WASHC5: variants seen among roughly 807,000 people sequenced by gnomAD.
The protein encoded by WASHC5 is WASH complex subunit 5.
In WASHC5, 101 loss-of-function variants were observed where a neutral mutation model predicts 150.4. The observed-to-expected ratio is 0.67, with a 90% CI of 0.57 to 0.79. WASHC5 has a LOEUF of 0.79. WASHC5 is among the 30% of genes least tolerant of loss of function. The pLI is 0.00. For missense variants in WASHC5, 1,195 were observed against 1,396.3 expected, an observed-to-expected ratio of 0.86 and a Z score of 2.30; for synonymous variants, 467 against 491.2, an observed-to-expected ratio of 0.95 and a Z score of 0.65.
chr8:125,050,691 T>C (rs2130056199), intron 17 of WASHC5, 26 bp from the exon 18 acceptor site: 9 of 1,578,688 alleles, frequency 5.7e-6, no homozygotes, highest in Non-Finnish European at 7.8e-6. Context: ...AAGTATTAAA[T>C]GATAGTTACG....
chr8:125,025,361 G>A (rs1193659624), intron 28 of WASHC5, among the ~76,000 whole-genome samples: 1 of 152,126 alleles, frequency 6.6e-6, no homozygotes, highest in Non-Finnish European at 1.5e-5. Context: ...GCAAGGGGAG[G>A]GAGAGCATTA....
intron 23 of WASHC5, among the ~76,000 whole-genome samples, chr8:125,043,430 C>T: frequency 6.6e-6 from 1 of 152,170 alleles, no homozygotes; most frequent in Non-Finnish European, 1.5e-5. Flanking sequence ...TATGCAGACA[C>T]AAGAGGGCAG....
intron 23 of WASHC5, among the ~76,000 whole-genome samples, chr8:125,042,054 C>T (rs1249065767): frequency 1.3e-5 from 2 of 152,130 alleles, no homozygotes; most frequent in African/African-American, 2.4e-5. Context: ...AACTTGCTCT[C>T]GTTTACTGCA....
At chr8:125,071,994 T>C (rs891226630) in intron 9 of WASHC5, among the ~76,000 whole-genome samples, 21 of 152,272 alleles carry the variant, frequency 1.4e-4, no homozygotes, top group African/African-American at 4.6e-4. Flanking sequence ...TTTGTCACAA[T>C]GCTATCTCTC....
chr8:125,087,283 C>T (rs562171375), intron 1 of WASHC5, among the ~76,000 whole-genome samples: 3 of 152,074 alleles, frequency 2.0e-5, no homozygotes, highest in African/African-American at 7.2e-5. Context: ...TCCTCCAATC[C>T]CCATCTTTTC....
chr8:125,024,576 A>C lies in WASHC5; in HGVS notation c.*41T>G. 2 of 1,405,256 alleles carry C rather than the reference A, an allele frequency of 1.4e-6. No individual in the cohort carries two copies. The highest frequency in any genetic ancestry group is 2.0e-6 in the Non-Finnish European group (2 of 989,368). The allele number at this position is 1,405,256 out of a possible 1,614,324, so 87.0% of individuals were successfully genotyped here. On this transcript the variant is annotated 3_prime_UTR_variant, in exon 29 of 29. Coordinates refer to ENST00000318410, the MANE Select transcript of WASHC5 (RefSeq NM_014846.4). Reference sequence around the variant, plus strand: ...CAAATTCATTTGTGATGGTGGGAAGATCTAAGGACAATCCTTCCATTGAAG... The same window carrying C: ...CAAATTCATTTGTGATGGTGGGAAGCTCTAAGGACAATCCTTCCATTGAAG...
In WASHC5 at chr8:125,039,803, A is replaced by G; in HGVS notation, c.2946T>C (p.Asn982=). 6.8e-6 allele frequency: 11 copies of G among 1,611,176 alleles called. No individual in the cohort carries two copies. Among genetic ancestry groups the G allele is most frequent in the Non-Finnish European group, 9.3e-6 (11 of 1,177,332 alleles). Reference sequence around the variant, plus strand: ...CAAACCCTGGCACTTACTTATTGAGATTCTCCAGAGCAGCTGCCAGATGTT... The same window carrying G: ...CAAACCCTGGCACTTACTTATTGAGGTTCTCCAGAGCAGCTGCCAGATGTT... ...DSKHLAAALE[N]LNKALLADIE... The change falls in exon 24 of 29, where the codon AAT becomes AAC. Residue 982 remains asparagine (N), a synonymous_variant. Coordinates refer to ENST00000318410, the MANE Select transcript of WASHC5 (RefSeq NM_014846.4).
At position 125,061,044 on chromosome 8, in the gene WASHC5, A is replaced by G. The variant is rs146332076; in HGVS notation, c.1521+38T>C. On this transcript the variant is annotated intron_variant, in intron 12 of 28. Transcript: ENST00000318410. ...CTGGGTGGGTCATAAGGTGTGATTC[A>G]TGATCCAAGAACCTGCATTTAAAAA... 553 of 1,175,260 alleles carry G rather than the reference A, an allele frequency of 4.7e-4. 2 individuals carry two copies. The African/African-American group carries it at 6.9e-3, about 15-fold the overall frequency. 72.8% of individuals were successfully genotyped at this position (1,175,260 alleles called of 1,614,324 possible).
rs1189875678 is a variant in WASHC5 at position 125,024,407 on chromosome 8, T to A, written c.*210A>T. 4 of 610,958 alleles carry A rather than the reference T, an allele frequency of 6.5e-6. No individual in the cohort carries two copies. The East Asian group carries it at 1.1e-4, about 17-fold the overall frequency. 37.8% of individuals were successfully genotyped at this position (610,958 alleles called of 1,614,324 possible). A position where few individuals can be genotyped will look rare whatever the true frequency, so the allele number is the denominator to read the frequency against. ...AAATGTGTTCTGCTTTTATCTGATA[T>A]AAATTGCATGTAATACCATGATTTA... On this transcript the variant is annotated 3_prime_UTR_variant, in exon 29 of 29. Coordinates refer to ENST00000318410, the MANE Select transcript of WASHC5 (RefSeq NM_014846.4).
At position 125,075,090 on chromosome 8, in the gene WASHC5, T is replaced by C. The variant is rs1388063973; in HGVS notation, c.886A>G (p.Ile296Val). Reference protein sequence around the residue: ...DNWVISIYMGITVNLVDAWEP... With the variant: ...DNWVISIYMGVTVNLVDAWEP... The stretch of plus-strand genomic sequence containing the variant: ...CAAGCATCTACTAGATTAACTGTGA[T>C]CCCCATGTAAATACTAATTACCTGA... Residue 296 changes from isoleucine (I) to valine (V), a missense_variant, in exon 8 of 29, where the codon ATC becomes GTC. Ile to Val is a conservative substitution (Grantham distance 29). Around this residue, in one of 3 missense-constraint regions of WASHC5, gnomAD observed 997 missense variants for 1,168.1 expected, o/e 0.85. Transcript: ENST00000318410. 3 of 1,608,170 alleles carry C rather than the reference T, an allele frequency of 1.9e-6. No homozygotes were observed. Among genetic ancestry groups the C allele is most frequent in the Non-Finnish European group, 2.6e-6 (3 of 1,174,778 alleles).
At chr8:125,039,969 C>T in intron 23 of WASHC5, 71 bp from the exon 24 acceptor site, 1 of 954,192 alleles carries the variant, frequency 1.0e-6, no homozygotes, top group Non-Finnish European at 1.7e-6. Context: ...GAGGTAAACA[C>T]AAAGATGACA....
intron 9 of WASHC5, among the ~76,000 whole-genome samples, chr8:125,071,020 A>G (rs1816882589): frequency 6.6e-6 from 1 of 152,262 alleles, no homozygotes; most frequent in African/African-American, 2.4e-5. Flanking sequence ...GGAAGGCTAC[A>G]GAGAAGTCTT....
intron 28 of WASHC5, among the ~76,000 whole-genome samples, chr8:125,025,740 A>T (rs897482685): frequency 2.6e-5 from 4 of 152,102 alleles, no homozygotes; most frequent in African/African-American, 7.2e-5. Flanking sequence ...CTTAAAATTT[A>T]AAAAAATATT....
chr8:125,061,042 T>C (rs923877936), intron 12 of WASHC5, 40 bp downstream of exon 12: 5 of 1,153,204 alleles, frequency 4.3e-6, no homozygotes, highest in Non-Finnish European at 5.2e-6. Flanking sequence ...AAGGTGTGAT[T>C]CATGATCCAA....
chr8:125,052,637 C>CACACACACAT (rs1414587856), intron 17 of WASHC5, among the ~76,000 whole-genome samples: 3 of 151,314 alleles, frequency 2.0e-5, no homozygotes, highest in African/African-American at 7.3e-5. Context: ...CACACACACA[C>CACACACACAT]ACATACATAC....
In WASHC5 at chr8:125,073,163, T is replaced by C. The variant is rs1816949949; in HGVS notation, c.1140A>G (p.Thr380=). 1 of 1,614,024 alleles carries C rather than the reference T, an allele frequency of 6.2e-7. No homozygotes were observed. The highest frequency in any genetic ancestry group is 1.3e-5 in the African/African-American group (1 of 74,938). The part of the protein sequence containing the change: ...NVAIRWLMLH[T]ADSACDPNNK... Reference sequence around the variant, plus strand: ...CCTTTTGTGCATTACCTGAGTCTGCTGTATGAAGCATCAGCCATCGGATGG... The same window carrying C: ...CCTTTTGTGCATTACCTGAGTCTGCCGTATGAAGCATCAGCCATCGGATGG... The change falls in exon 9 of 29, where the codon ACA becomes ACG. Residue 380 remains threonine (T), a synonymous_variant. Transcript: ENST00000318410.
chr8:125,060,524 C>T (rs902620961), intron 12 of WASHC5, among the ~76,000 whole-genome samples: 10 of 151,150 alleles, frequency 6.6e-5, no homozygotes, highest in Non-Finnish European at 1.5e-5. Context: ...TTTTCTGCTG[C>T]TTTTAGTTAT....
At position 125,059,208 on chromosome 8, in the gene WASHC5, T is replaced by C. The variant is rs1039001878; in HGVS notation, c.1764+14A>G. 58 of 1,592,752 alleles carry C rather than the reference T, an allele frequency of 3.6e-5. No individual in the cohort carries two copies. The highest frequency in any genetic ancestry group is 4.4e-5 in the Non-Finnish European group (51 of 1,160,862). ...CTTTCCTAGCAACAGAGAATCTCAC[T>C]GTTTTTTGCTTACCTTTAGGAAGGT... On this transcript the variant is annotated intron_variant, in intron 14 of 28. Coordinates refer to ENST00000318410, the MANE Select transcript of WASHC5 (RefSeq NM_014846.4).
At position 125,088,771 on chromosome 8, in the gene WASHC5, T is replaced by C. The variant is rs80160652; in HGVS notation, c.-125+2844A>G. On this transcript the variant is annotated intron_variant, in intron 1 of 28. Coordinates refer to ENST00000318410, the MANE Select transcript of WASHC5 (RefSeq NM_014846.4). ...CAGCTATGCCCTACCCTCCGGACCA[T>C]AGATGCTATAAAGCTTATTGTCTTA... Among the ~76,000 whole-genome samples the C allele has an allele frequency of 0.011, 1,648 of 152,226 alleles. 131 individuals carry two copies. The East Asian group carries it at 0.2, about 19-fold the overall frequency.
Sources: allele counts gnomAD v4.1 joint callset (sites outside exome capture counted in the v4.1 genomes callset), GRCh38; gene constraint gnomAD v4.1.1; regional missense constraint gnomAD v4.1.1; transcripts MANE v1.5; gene names NCBI Gene and HGNC (gene_info 2026-07-23, HGNC 2026-07-21).